PLD5: variants seen among roughly 807,000 people sequenced by gnomAD.
The protein encoded by PLD5 is inactive phospholipase D5.
Under a neutral mutation model 61.1 loss-of-function variants are expected in PLD5, and 36 were observed. The ratio of observed to expected loss-of-function variants is 0.59; its 90% CI spans 0.45 to 0.78. PLD5 has a LOEUF of 0.78. Ranked by LOEUF, PLD5 falls within the 30% of genes least tolerant of loss-of-function variation. PLD5 has a pLI of 0.00. For synonymous variants in PLD5, 243 were observed against 242.8 expected, an observed-to-expected ratio of 1.00 and a Z score of -0.01; for missense variants, 515 against 644.4, an observed-to-expected ratio of 0.80 and a Z score of 2.17.
At chr1:242,375,909 T>C (rs1183817727) in intron 1 of PLD5, among the ~76,000 whole-genome samples, 1 of 152,118 alleles carries the variant, frequency 6.6e-6, no homozygotes, top group Non-Finnish European at 1.5e-5. Context: ...TACCAGAACA[T>C]TTGGCAGCAG....
At chr1:242,367,668 G>A (rs1019674298) in intron 1 of PLD5, among the ~76,000 whole-genome samples, 1 of 152,032 alleles carries the variant, frequency 6.6e-6, no homozygotes, top group Non-Finnish European at 1.5e-5. Flanking sequence ...ACATAGAGGT[G>A]GGCAGGTAAC....
intron 1 of PLD5, among the ~76,000 whole-genome samples, chr1:242,500,891 T>G (rs1021139932): frequency 6.6e-6 from 1 of 152,080 alleles, no homozygotes; most frequent in Non-Finnish European, 1.5e-5. Context: ...ACAGGTGACA[T>G]AGAGGGAAGA....
intron 1 of PLD5, among the ~76,000 whole-genome samples, chr1:242,510,570 G>A (rs1356511794): frequency 1.3e-5 from 2 of 152,204 alleles, no homozygotes; most frequent in Non-Finnish European, 2.9e-5. Flanking sequence ...AATGGGCCCG[G>A]TGCGGTGGCT....
chr1:242,355,116 T>C (rs3906782), intron 1 of PLD5, among the ~76,000 whole-genome samples: 4,018 of 149,940 alleles, frequency 0.027, 67 homozygotes, highest in African/African-American at 0.075. Context: ...GGCTTTAGTA[T>C]AGGGGTAATG....
chr1:242,240,119 C>G (rs185674007), intron 4 of PLD5, among the ~76,000 whole-genome samples: 71 of 152,366 alleles, frequency 4.7e-4, no homozygotes, highest in African/African-American at 1.7e-3. Flanking sequence ...TTATTTTACA[C>G]TGCACATGGC....
intron 2 of PLD5, among the ~76,000 whole-genome samples, chr1:242,323,929 C>T (rs12025072): frequency 0.9 from 137,174 of 152,020 alleles, 61,926 homozygotes; most frequent in East Asian, 0.95. Flanking sequence ...AGTTACCAAA[C>T]GTAGTGTGTT....
chr1:242,460,745 A>C (rs1328121938), intron 1 of PLD5, among the ~76,000 whole-genome samples: 1 of 152,154 alleles, frequency 6.6e-6, no homozygotes, highest in Non-Finnish European at 1.5e-5. Context: ...ATATTTGGGA[A>C]TATAGTGCCA....
chr1:242,530,133 ATC>A, the PLD5 span, among the ~76,000 whole-genome samples: 1 of 152,164 alleles, frequency 6.6e-6, no homozygotes, highest in East Asian at 1.9e-4. Flanking sequence ...ACCTCAGGCG[ATC>A]CACCTGCCTT....
intron 4 of PLD5, among the ~76,000 whole-genome samples, chr1:242,230,619 G>A (rs1195833803): frequency 6.6e-6 from 1 of 152,066 alleles, no homozygotes; most frequent in African/African-American, 2.4e-5. Flanking sequence ...AACATGAAAG[G>A]GTGAAAATCT....
chr1:242,397,784 C>CTTT (rs749006053), intron 1 of PLD5, among the ~76,000 whole-genome samples: 19 of 74,594 alleles, frequency 2.5e-4, no homozygotes, highest in African/African-American at 1.3e-3. Context: ...TCTTCTTCTT[C>CTTT]TTTTTTTTTT....
chr1:242,463,363 T>C (rs1202409738), intron 1 of PLD5, among the ~76,000 whole-genome samples: 1 of 152,222 alleles, frequency 6.6e-6, no homozygotes, highest in Admixed American at 6.5e-5. Context: ...ACTCCTGAAC[T>C]GGTGCAGCCC....
intron 2 of PLD5, among the ~76,000 whole-genome samples, chr1:242,297,617 GTTTCTTTTTTTTTTTT>G (rs1474503005): frequency 8.0e-6 from 1 of 124,598 alleles, no homozygotes; most frequent in African/African-American, 3.2e-5. Flanking sequence ...ATGGATTCAT[GTTTCTTTTTTTTTTTT>G]TTTTTTTTTT....
chr1:242,184,706 G>T (rs1667760533), intron 5 of PLD5, among the ~76,000 whole-genome samples: 1 of 152,178 alleles, frequency 6.6e-6, no homozygotes, highest in Non-Finnish European at 1.5e-5. Flanking sequence ...AGATTCAACT[G>T]ATTTTTAAAC....
chr1:242,335,386 A>G (rs1449586917), intron 2 of PLD5, among the ~76,000 whole-genome samples: 2 of 152,214 alleles, frequency 1.3e-5, no homozygotes, highest in Non-Finnish European at 2.9e-5. Flanking sequence ...ATATCCAAAA[A>G]CTGGTCATCT....
chr1:242,195,190 G>A (rs1337880993), intron 5 of PLD5, among the ~76,000 whole-genome samples: 3 of 152,146 alleles, frequency 2.0e-5, no homozygotes, highest in Non-Finnish European at 2.9e-5. Context: ...AGGCAGAAGC[G>A]AGCCGCCGTC....
At chr1:242,152,849 T>C (rs983266488) in intron 5 of PLD5, among the ~76,000 whole-genome samples, 8 of 152,232 alleles carry the variant, frequency 5.3e-5, no homozygotes, top group Admixed American at 5.2e-4. Context: ...TGGAATGATT[T>C]ATAATCCTTT....
intron 5 of PLD5, among the ~76,000 whole-genome samples, chr1:242,199,851 C>CT (rs1000686912): frequency 6.6e-6 from 1 of 152,072 alleles, no homozygotes; most frequent in African/African-American, 2.4e-5. Context: ...TGATTTCATT[C>CT]TTTTTTTTCA....
chr1:242,420,326 A>G lies in PLD5; in HGVS notation c.190-72084T>C, dbSNP rs1665069635. Reference sequence around the variant, plus strand: ...AACTCTAGAGCCCTCGCCCTCAATCAACATGTTCCATCTCCTGCTGGGAAT... The same window carrying G: ...AACTCTAGAGCCCTCGCCCTCAATCGACATGTTCCATCTCCTGCTGGGAAT... On this transcript the variant is annotated intron_variant, in intron 1 of 9. Coordinates refer to ENST00000536534, the MANE Select transcript of PLD5 (RefSeq NM_001372062.1). Among the ~76,000 whole-genome samples, 4 of 152,110 alleles carry G rather than the reference A, an allele frequency of 2.6e-5. No homozygotes were observed. In the South Asian group the frequency reaches 8.3e-4, roughly 32 times the overall value.
Position 242,394,537 on chromosome 1 carries a change from AAC to A in PLD5, c.190-46297_190-46296del, listed in dbSNP as rs200392330. The stretch of plus-strand genomic sequence containing the variant: ...GAACATATATATGTGTATATATGTG[AAC>A]ATATATATGTGTATATATGTGAACA... On this transcript the variant is annotated intron_variant, in intron 1 of 9. Transcript: ENST00000536534. 1.4e-3 allele frequency among the ~76,000 whole-genome samples: 39 copies of A among 28,100 alleles called. 4 individuals carry two copies. The highest frequency in any genetic ancestry group is 4.8e-3 in the African/African-American group (28 of 5,844). 18.4% of individuals were successfully genotyped at this position (28,100 alleles called of 152,430 possible).
Sources: gnomAD v4.1 joint callset for allele counts (sites outside exome capture counted in the v4.1 genomes callset) on GRCh38, gnomAD v4.1.1 for gene constraint, MANE v1.5 for transcripts, NCBI Gene and HGNC (gene_info 2026-07-23, HGNC 2026-07-21) for gene names.